The following LINGO2 variants were observed in gnomAD, a reference collection of about 807,000 sequenced individuals.
LINGO2 encodes the protein leucine-rich repeat and immunoglobulin-like domain-containing nogo receptor-interacting protein 2.
In LINGO2, 14 loss-of-function variants were observed where a neutral mutation model predicts 30.6. The ratio of observed to expected loss-of-function variants is 0.46; its 90% CI spans 0.30 to 0.72. The LOEUF is 0.72. Ranked by LOEUF, LINGO2 falls within the 30% of genes least tolerant of loss-of-function variation. LINGO2 has a pLI of 0.07. For synonymous variants in LINGO2, 317 were observed against 288.5 expected (o/e 1.10, Z -1.00); for missense variants, 729 against 751.7 (o/e 0.97, Z 0.35).
At chr9:28,476,507 C>T (rs1300169029) in intron 1 of LINGO2, among the ~76,000 whole-genome samples, 1 of 152,068 alleles carries the variant, frequency 6.6e-6, no homozygotes, top group Non-Finnish European at 1.5e-5. Flanking sequence ...GATCTCCTGA[C>T]CTCGTGATCC....
the LINGO2 span, among the ~76,000 whole-genome samples, chr9:29,011,144 T>A: frequency 3.3e-5 from 5 of 152,176 alleles, no homozygotes; most frequent in Non-Finnish European, 7.3e-5. Context: ...AATCACTGTT[T>A]TTCATACATA....
the LINGO2 span, among the ~76,000 whole-genome samples, chr9:29,100,194 G>C: frequency 2.6e-5 from 4 of 152,182 alleles, no homozygotes; most frequent in Non-Finnish European, 5.9e-5. Context: ...TGAACTCGTG[G>C]ATATAGAGAA....
chr9:28,175,329 C>T (rs1828720671), intron 4 of LINGO2, among the ~76,000 whole-genome samples: 1 of 152,132 alleles, frequency 6.6e-6, no homozygotes, highest in African/African-American at 2.4e-5. Flanking sequence ...GAACCCTACA[C>T]TTGCTCATGT....
At chr9:28,417,111 C>A (rs1822999576) in intron 2 of LINGO2, among the ~76,000 whole-genome samples, 1 of 151,940 alleles carries the variant, frequency 6.6e-6, no homozygotes, top group South Asian at 2.1e-4. Flanking sequence ...AAAGCTGATT[C>A]AGTTATATAT....
At chr9:28,076,329 TGAA>T (rs1825621770) in intron 4 of LINGO2, among the ~76,000 whole-genome samples, 2 of 152,064 alleles carry the variant, frequency 1.3e-5, no homozygotes, top group Admixed American at 1.3e-4. Flanking sequence ...TTGATACCAT[TGAA>T]GCATGAACAT....
intron 4 of LINGO2, among the ~76,000 whole-genome samples, chr9:28,085,848 C>T (rs893520397): frequency 6.6e-6 from 1 of 152,044 alleles, no homozygotes. Flanking sequence ...AGGTATTTTA[C>T]TGGGCGGTAT....
the LINGO2 span, among the ~76,000 whole-genome samples, chr9:29,089,821 C>A: frequency 1.3e-5 from 2 of 151,970 alleles, no homozygotes; most frequent in African/African-American, 2.4e-5. Flanking sequence ...CCATGAATGT[C>A]AATCATTATC....
chr9:28,965,990 C>A, the LINGO2 span, among the ~76,000 whole-genome samples: 98,754 of 152,016 alleles, frequency 0.65, 32,749 homozygotes, highest in Non-Finnish European at 0.72. Context: ...TAGTTTTATC[C>A]CACTTGTGTG....
At chr9:28,803,265 G>T in the LINGO2 span, among the ~76,000 whole-genome samples, 1 of 151,780 alleles carries the variant, frequency 6.6e-6, no homozygotes, top group Non-Finnish European at 1.5e-5. Context: ...TAACACAAAA[G>T]TCAAAGTGCA....
intron 4 of LINGO2, among the ~76,000 whole-genome samples, chr9:28,141,513 G>T (rs2133496441): frequency 6.6e-6 from 1 of 152,322 alleles, no homozygotes; most frequent in South Asian, 2.1e-4. Context: ...AGGGATTCAA[G>T]AATCATCTTG....
At chr9:29,161,321 C>T in the LINGO2 span, among the ~76,000 whole-genome samples, 2 of 152,200 alleles carry the variant, frequency 1.3e-5, no homozygotes, top group African/African-American at 4.8e-5. Context: ...CCTGGGTGTT[C>T]TTTCAGCTAT....
chr9:28,716,045 C>T, the LINGO2 span, among the ~76,000 whole-genome samples: 1 of 151,846 alleles, frequency 6.6e-6, no homozygotes, highest in Non-Finnish European at 1.5e-5. Flanking sequence ...AAATTACATG[C>T]AATACTCCTG....
At chr9:28,528,819 T>C (rs934033994) in intron 1 of LINGO2, among the ~76,000 whole-genome samples, 1 of 152,092 alleles carries the variant, frequency 6.6e-6, no homozygotes, top group African/African-American at 2.4e-5. Flanking sequence ...TACACATATA[T>C]GTATGTGTTT....
At chr9:27,979,470 C>A (rs913268911) in intron 5 of LINGO2, among the ~76,000 whole-genome samples, 1 of 151,862 alleles carries the variant, frequency 6.6e-6, no homozygotes, top group African/African-American at 2.4e-5. Flanking sequence ...CCTAAAGGAA[C>A]CAAACTGGGT....
At chr9:28,220,226 G>T (rs1186071408) in intron 4 of LINGO2, among the ~76,000 whole-genome samples, 1 of 152,162 alleles carries the variant, frequency 6.6e-6, no homozygotes, top group Admixed American at 6.6e-5. Flanking sequence ...CCAATTCCCT[G>T]TGGATACTGA....
intron 3 of LINGO2, among the ~76,000 whole-genome samples, chr9:28,308,456 T>A (rs1824463759): frequency 6.9e-6 from 1 of 145,500 alleles, no homozygotes; most frequent in Non-Finnish European, 1.5e-5. Flanking sequence ...ACTTAAATGT[T>A]AGACCTAAAA....
At chr9:28,219,247 T>C (rs7875320) in intron 4 of LINGO2, among the ~76,000 whole-genome samples, 114,028 of 152,064 alleles carry the variant, frequency 0.75, 43,029 homozygotes, top group East Asian at 0.83. Context: ...CCTAGAAAGA[T>C]ATAATTCTTG....
At chr9:28,940,556 G>A in the LINGO2 span, among the ~76,000 whole-genome samples, 1 of 151,934 alleles carries the variant, frequency 6.6e-6, no homozygotes, top group South Asian at 2.1e-4. Flanking sequence ...ACAGAATCTA[G>A]TATTATATTA....
the LINGO2 span, among the ~76,000 whole-genome samples, chr9:28,927,922 G>A: frequency 2.0e-5 from 3 of 152,146 alleles, no homozygotes; most frequent in Non-Finnish European, 4.4e-5. Flanking sequence ...AAGCAGCCCA[G>A]GTAAATTGTC....
Sources: gnomAD v4.1 joint callset for allele counts (sites outside exome capture counted in the v4.1 genomes callset) on GRCh38, gnomAD v4.1.1 for gene constraint, MANE v1.5 for transcripts, NCBI Gene and HGNC (gene_info 2026-07-23, HGNC 2026-07-21) for gene names.